The following USP34 variants were observed in gnomAD, a reference collection of about 807,000 sequenced individuals.
The protein encoded by USP34 is ubiquitin specific peptidase 34.
In USP34, 70 loss-of-function variants were observed where a neutral mutation model predicts 460.3. That is an observed-to-expected ratio of 0.15 (90% CI 0.13 to 0.19). The LOEUF is 0.19. USP34 is among the 10% of genes least tolerant of loss of function. The pLI is 1.00. For missense variants in USP34, 3,985 were observed against 4,236.2 expected, an observed-to-expected ratio of 0.94 and a Z score of 1.65; for synonymous variants, 1,647 against 1,405.3, an observed-to-expected ratio of 1.17 and a Z score of -3.85.
Position 61,188,997 on chromosome 2 carries a change from G to T in USP34, c.9946C>A (p.Leu3316Met), listed in dbSNP as rs1236604308. The change falls in exon 79 of 80, where the codon CTG becomes ATG. Residue 3316 changes from leucine (L) to methionine (M), a missense_variant. This residue lies in a region of USP34 where 506 missense variants were observed against 439.0 expected (regional missense o/e 1.15). Transcript: ENST00000398571. ...CTGCATTTGCTTAAAAGCTCTTGCAGAGTTGGAATTAGAGCTGGGTTTAAC... is the reference window on the plus strand; with the variant it reads ...CTGCATTTGCTTAAAAGCTCTTGCATAGTTGGAATTAGAGCTGGGTTTAAC... ...KQLNPALIPT[L>M]QELLSKCRTC... 1.2e-6 allele frequency: 2 copies of T among 1,614,102 alleles called. No individual in the cohort carries two copies. Among genetic ancestry groups the T allele is most frequent in the African/African-American group, 2.7e-5 (2 of 74,936 alleles).
intron 43 of USP34, among the ~76,000 whole-genome samples, chr2:61,264,473 A>T (rs1337173826): frequency 1.3e-5 from 2 of 150,394 alleles, no homozygotes; most frequent in Non-Finnish European, 3.0e-5. Flanking sequence ...TGTCTCTACA[A>T]AAAGTAAAAG....
At chr2:61,453,345 T>C (rs993730754) in intron 1 of USP34, among the ~76,000 whole-genome samples, 2 of 150,780 alleles carry the variant, frequency 1.3e-5, no homozygotes, top group Non-Finnish European at 3.0e-5. Context: ...GCCTGGAAAG[T>C]AGCGTTTGCA....
Position 61,232,325 on chromosome 2 carries a change from T to C in USP34, c.7113+127A>G, listed in dbSNP as rs1317551541. On this transcript the variant is annotated intron_variant, in intron 58 of 79. Transcript: ENST00000398571. ...ACCAACAACAAAATGACTTTTATGA[T>C]AGGAGGCAGATCTTTTCAAACTATT... The C allele has an allele frequency of 9.2e-6, 7 of 764,528 alleles. No homozygotes were observed. The East Asian group carries it at 1.4e-4, about 15-fold the overall frequency. 47.4% of individuals were successfully genotyped at this position (764,528 alleles called of 1,614,324 possible).
intron 6 of USP34, among the ~76,000 whole-genome samples, chr2:61,380,601 T>TC (rs11424237): frequency 0.36 from 55,359 of 151,948 alleles, 10,074 homozygotes; most frequent in South Asian, 0.38. Context: ...CACAAATTCC[T>TC]CCCATCATTA....
Position 61,190,640 on chromosome 2 carries a change from A to G in USP34, c.9607T>C (p.Cys3203Arg), listed in dbSNP as rs1686609456. 6.2e-7 allele frequency: 1 copy of G among 1,613,712 alleles called. No individual in the cohort carries two copies. The highest frequency in any genetic ancestry group is 1.7e-5 in the Admixed American group (1 of 59,934). Residue 3203 changes from cysteine (C) to arginine (R), a missense_variant, in exon 77 of 80, where the codon TGC becomes CGC. Physicochemically the swap from Cys to Arg is radical, Grantham distance 180. Transcript: ENST00000398571. ...GGATCTTCACACAAAAGCTTGATGC[A>G]GTTTTTTGACATAGCAGACTAAAGT... ...CQTQSAMSKN[C>R]IKLLCEDPVF...
In USP34 at chr2:61,189,053, G is replaced by C. The variant is rs1212924477; in HGVS notation, c.9890C>G (p.Ala3297Gly). ...GGGAGTGTGTACTGACAGGAGCAAAGCGAGTGCCCTCAGGTCCTACAAAAA... is the reference window on the plus strand; with the variant it reads ...GGGAGTGTGTACTGACAGGAGCAAACCGAGTGCCCTCAGGTCCTACAAAAA... Reference protein sequence around the residue: ...ASLNGDLRALALLLSVHTPKQ... With the variant: ...ASLNGDLRALGLLLSVHTPKQ... Residue 3297 changes from alanine (A) to glycine (G), a missense_variant, in exon 79 of 80, where the codon GCT (alanine) becomes GGT (glycine). Physicochemically the swap from Ala to Gly is moderately conservative, Grantham distance 60 (BLOSUM62 0). This residue lies in a region of USP34 where 506 missense variants were observed against 439.0 expected (regional missense o/e 1.15). Coordinates refer to ENST00000398571, the MANE Select transcript of USP34 (RefSeq NM_014709.4). 1.9e-6 allele frequency: 3 copies of C among 1,613,786 alleles called. No homozygotes were observed. Among genetic ancestry groups the C allele is most frequent in the Non-Finnish European group, 2.5e-6 (3 of 1,179,924 alleles).
At chr2:61,442,898 T>TACAC (rs58151221) in intron 1 of USP34, among the ~76,000 whole-genome samples, 12,738 of 147,174 alleles carry the variant, frequency 0.087, 650 homozygotes, top group African/African-American at 0.14. Flanking sequence ...GTGATGTGTG[T>TACAC]ACACACACAC....
At chr2:61,378,789 C>A (rs189409840) in intron 7 of USP34, among the ~76,000 whole-genome samples, 3 of 151,534 alleles carry the variant, frequency 2.0e-5, no homozygotes, top group Non-Finnish European at 4.4e-5. Flanking sequence ...GCCTAAAACG[C>A]GAGCTACTCA....
intron 75 of USP34, among the ~76,000 whole-genome samples, chr2:61,198,472 G>A (rs1215173966): frequency 2.0e-5 from 3 of 151,878 alleles, no homozygotes; most frequent in Non-Finnish European, 4.4e-5. Flanking sequence ...CCTCCCAAAT[G>A]GACTCTTGAC....
chr2:61,270,904 T>C (rs1689193510), intron 41 of USP34, among the ~76,000 whole-genome samples: 1 of 152,182 alleles, frequency 6.6e-6, no homozygotes, highest in African/African-American at 2.4e-5. Context: ...ATGAAACCAT[T>C]GCTTTCCTAT....
At chr2:61,393,517 A>T (rs1173763007) in intron 5 of USP34, among the ~76,000 whole-genome samples, 2 of 151,988 alleles carry the variant, frequency 1.3e-5, no homozygotes, top group South Asian at 2.1e-4. Flanking sequence ...AATGGGTGGA[A>T]TTTTTTAACT....
rs980202965 is a variant in USP34 at position 61,189,125 on chromosome 2, T to C, written c.9874-56A>G. 1.0e-5 allele frequency: 16 copies of C among 1,546,636 alleles called. No individual in the cohort carries two copies. The Admixed American group carries it at 1.2e-4, about 12-fold the overall frequency. ...TTCTAAAGCCAACACTTTGATGCAG[T>C]TGTTTACAGTTAATTGCAGATGTTT... is the stretch of plus-strand genomic sequence containing the variant. On this transcript the variant is annotated intron_variant, in intron 78 of 79. Coordinates refer to ENST00000398571, the MANE Select transcript of USP34 (RefSeq NM_014709.4).
At chr2:61,372,651 T>C (rs72813571) in intron 8 of USP34, among the ~76,000 whole-genome samples, 22,484 of 152,164 alleles carry the variant, frequency 0.15, 2,184 homozygotes, top group South Asian at 0.36. Context: ...AGAGCTGTAG[T>C]AAGGCATAAT....
chr2:61,347,985 T>C lies in USP34; in HGVS notation c.2170A>G (p.Thr724Ala). Residue 724 changes from threonine (T) to alanine (A), a missense_variant, in exon 15 of 80, where the codon ACA becomes GCA. Thr to Ala is a moderately conservative substitution (Grantham distance 58). Around this residue, in one of 14 missense-constraint regions of USP34, gnomAD observed 716 missense variants for 626.2 expected, o/e 1.14. Transcript: ENST00000398571. ...TCCCCAAGGAAGTCCCCAGTTCGTG[T>C]GATACAAGACTCCTGAGACCCTTGT... Reference protein sequence around the residue: ...IAQGSQESCITRTGDFLGETI... With the variant: ...IAQGSQESCIARTGDFLGETI... The C allele has an allele frequency of 6.2e-7, 1 of 1,614,174 alleles. No homozygotes were observed.
At chr2:61,359,175 GA>G (rs1558548450) in intron 10 of USP34, among the ~76,000 whole-genome samples, 1 of 150,672 alleles carries the variant, frequency 6.6e-6, no homozygotes, top group African/African-American at 2.4e-5. Context: ...CTTGCAAAAA[GA>G]AAAAAAAGAA....
chr2:61,463,406 T>C (rs1309874743), intron 1 of USP34, among the ~76,000 whole-genome samples: 3 of 152,330 alleles, frequency 2.0e-5, no homozygotes, highest in African/African-American at 4.8e-5. Flanking sequence ...CACTTTTGAA[T>C]TCCTACTACA....
At chr2:61,443,338 A>G (rs1695018690) in intron 1 of USP34, among the ~76,000 whole-genome samples, 1 of 152,178 alleles carries the variant, frequency 6.6e-6, no homozygotes. Context: ...TGAATACACT[A>G]ATTACCCTGA....
chr2:61,418,870 G>A (rs551821268), intron 2 of USP34, among the ~76,000 whole-genome samples: 75 of 152,242 alleles, frequency 4.9e-4, no homozygotes, highest in African/African-American at 1.8e-3. Context: ...ACTGACAGGT[G>A]AACAAAATTA....
At chr2:61,430,214 CAAAAAAA>C (rs1232126412) in intron 1 of USP34, among the ~76,000 whole-genome samples, 1 of 78,128 alleles carries the variant, frequency 1.3e-5, no homozygotes, top group African/African-American at 5.5e-5. Flanking sequence ...GTCTTCGTCA[CAAAAAAA>C]AAAAAAAAAG....
Sources: gnomAD v4.1 joint callset for allele counts (sites outside exome capture counted in the v4.1 genomes callset) on GRCh38, gnomAD v4.1.1 for gene constraint, gnomAD v4.1.1 regional missense constraint, MANE v1.5 for transcripts, NCBI Gene and HGNC (gene_info 2026-07-23, HGNC 2026-07-21) for gene names.